Variants in EPHA6 observed in about 807,000 individuals in gnomAD.
The protein encoded by EPHA6 is EPH receptor A6, also known as ephrin type-A receptor 6.
A neutral mutation model predicts 112.0 loss-of-function variants in EPHA6; 50 were observed. The observed-to-expected ratio is 0.45, with a 90% CI of 0.36 to 0.56. EPHA6 has a LOEUF of 0.56. Ranked by LOEUF, EPHA6 falls within the 20% of genes least tolerant of loss-of-function variation. The probability of loss-of-function intolerance (pLI) is 0.00; values close to 1 mark genes in which losing one functional copy is unlikely to be tolerated. For missense variants in EPHA6, 1,280 were observed against 1,417.4 expected (o/e 0.90, Z 1.56); for synonymous variants, 529 against 490.7 (o/e 1.08, Z -1.03).
chr3:97,541,727 G>GTTTTTTTTT (rs59024112), intron 11 of EPHA6, among the ~76,000 whole-genome samples: 1 of 131,912 alleles, frequency 7.6e-6, no homozygotes, highest in East Asian at 2.4e-4. Flanking sequence ...TCTTTTTTTT[G>GTTTTTTTTT]TTTTTTTTTT....
At chr3:97,144,502 G>T (rs1441629948) in intron 3 of EPHA6, among the ~76,000 whole-genome samples, 2 of 147,064 alleles carry the variant, frequency 1.4e-5, no homozygotes, top group Admixed American at 6.8e-5. Flanking sequence ...TTCATACACT[G>T]CAATCTTAAT....
At chr3:96,987,278 G>A in intron 2 of EPHA6, 52 bp from the exon 3 acceptor site, 2 of 1,458,714 alleles carry the variant, frequency 1.4e-6, no homozygotes, top group Non-Finnish European at 1.9e-6. Context: ...AATCATTTCT[G>A]TTTAATCACT....
intron 3 of EPHA6, among the ~76,000 whole-genome samples, chr3:97,062,999 A>T (rs1311320622): frequency 6.6e-6 from 1 of 152,132 alleles, no homozygotes; most frequent in Non-Finnish European, 1.5e-5. Context: ...AACCACAATT[A>T]AATACCCTCT....
At chr3:97,481,072 G>C in intron 9 of EPHA6, 1 of 455,172 alleles carries the variant, frequency 2.2e-6, no homozygotes, top group Admixed American at 2.8e-5. Flanking sequence ...CCCAGACGGG[G>C]TGGCAGCGGG....
chr3:97,637,221 A>G (rs2093953813), intron 13 of EPHA6, among the ~76,000 whole-genome samples: 1 of 152,196 alleles, frequency 6.6e-6, no homozygotes, highest in African/African-American at 2.4e-5. Flanking sequence ...AATCCTTCCA[A>G]TCAGGAGCTA....
chr3:97,298,801 C>A (rs2080975650), intron 5 of EPHA6, among the ~76,000 whole-genome samples: 1 of 151,924 alleles, frequency 6.6e-6, no homozygotes, highest in African/African-American at 2.4e-5. Flanking sequence ...ATTCCAATCT[C>A]TACCAAATCA....
At chr3:97,450,790 C>T (rs1206814182) in intron 7 of EPHA6, among the ~76,000 whole-genome samples, 1 of 151,900 alleles carries the variant, frequency 6.6e-6, no homozygotes, top group Non-Finnish European at 1.5e-5. Context: ...GAGCTAATAG[C>T]CTATGCCTTC....
chr3:97,211,576 G>A (rs922967978), intron 3 of EPHA6, among the ~76,000 whole-genome samples: 4 of 152,160 alleles, frequency 2.6e-5, no homozygotes, highest in African/African-American at 9.7e-5. Context: ...ATGTAAGAGG[G>A]CAGAGAGGTC....
intron 2 of EPHA6, among the ~76,000 whole-genome samples, chr3:96,935,385 T>C (rs2040526485): frequency 6.6e-6 from 1 of 151,552 alleles, no homozygotes; most frequent in African/African-American, 2.4e-5. Context: ...ACTTGTGATA[T>C]TTAATTTTGG....
intron 3 of EPHA6, among the ~76,000 whole-genome samples, chr3:96,994,759 A>AGAGAGAGAGAGAGAGCGAGC (rs763682996): frequency 9.0e-4 from 105 of 116,200 alleles, no homozygotes; most frequent in African/African-American, 2.6e-3. Context: ...AGAGAGAGAG[A>AGAGAGAGAGAGAGAGCGAGC]GAGCTATATA....
At chr3:96,820,897 G>A (rs556404225) in intron 1 of EPHA6, among the ~76,000 whole-genome samples, 2 of 151,914 alleles carry the variant, frequency 1.3e-5, no homozygotes, top group African/African-American at 4.8e-5. Context: ...CTAATAAGGA[G>A]CAATATTTGA....
At chr3:96,818,689 A>C (rs1411284526) in intron 1 of EPHA6, among the ~76,000 whole-genome samples, 1 of 151,972 alleles carries the variant, frequency 6.6e-6, no homozygotes, top group Non-Finnish European at 1.5e-5. Flanking sequence ...TATTTATAGA[A>C]ATGGAGACAT....
intron 2 of EPHA6, among the ~76,000 whole-genome samples, chr3:96,956,060 C>T (rs2041744735): frequency 6.6e-6 from 1 of 152,054 alleles, no homozygotes. Context: ...AATATTTCAG[C>T]AGATCAGTGT....
rs541466207 is a variant in EPHA6 at position 97,182,544 on chromosome 3, A to G, written c.1115-43720A>G. On this transcript the variant is annotated intron_variant, in intron 3 of 17. Transcript: ENST00000389672. ...ATTGTTAACATATCATAGTTTTTCA[A>G]CTGGAACACAATCAGTATTTTGTCT... 1.0e-3 allele frequency among the ~76,000 whole-genome samples: 156 copies of G among 152,160 alleles called. 2 individuals are homozygous for G. Among genetic ancestry groups the G allele is most frequent in the African/African-American group, 3.5e-3 (147 of 41,566 alleles).
chr3:97,603,172 G>T (rs1459587434), intron 12 of EPHA6, among the ~76,000 whole-genome samples: 1 of 151,938 alleles, frequency 6.6e-6, no homozygotes, highest in Non-Finnish European at 1.5e-5. Flanking sequence ...AAATTTGTCA[G>T]TAACTTTCAT....
At chr3:97,207,431 T>G (rs940785925) in intron 3 of EPHA6, among the ~76,000 whole-genome samples, 6 of 152,076 alleles carry the variant, frequency 3.9e-5, no homozygotes, top group African/African-American at 1.4e-4. Context: ...ATCAAATACT[T>G]GTGTAATAGC....
intron 14 of EPHA6, among the ~76,000 whole-genome samples, chr3:97,682,780 T>G (rs955108868): frequency 2.0e-5 from 3 of 152,194 alleles, no homozygotes; most frequent in Admixed American, 1.3e-4. Flanking sequence ...AGCTAAGAGC[T>G]TATTTTCCTC....
At chr3:97,555,239 G>A (rs968931102) in intron 11 of EPHA6, among the ~76,000 whole-genome samples, 6 of 152,040 alleles carry the variant, frequency 3.9e-5, no homozygotes, top group Non-Finnish European at 8.8e-5. Flanking sequence ...TTTCATCCAT[G>A]TCCCTACAAA....
intron 2 of EPHA6, among the ~76,000 whole-genome samples, chr3:96,946,604 T>A (rs1328652093): frequency 2.0e-5 from 3 of 152,224 alleles, no homozygotes; most frequent in Non-Finnish European, 1.5e-5. Flanking sequence ...TTCCAAGTCT[T>A]TACTATTGTG....
Sources: gnomAD v4.1 joint callset for allele counts (sites outside exome capture counted in the v4.1 genomes callset) on GRCh38, gnomAD v4.1.1 for gene constraint, MANE v1.5 for transcripts, NCBI Gene and HGNC (gene_info 2026-07-23, HGNC 2026-07-21) for gene names.